The following AATK variants were observed in gnomAD, a reference collection of about 807,000 sequenced individuals.
AATK encodes serine/threonine-protein kinase LMTK1.
AATK carries 91 observed loss-of-function variants against 114.3 expected under a neutral mutation model. The ratio of observed to expected loss-of-function variants is 0.80; its 90% CI spans 0.67 to 0.95. The LOEUF is 0.95. Among genes scored for constraint, AATK ranks in the 40% least tolerant of loss-of-function variants. The pLI is 0.00. For missense variants in AATK, 2,176 were observed against 1,965.2 expected (o/e 1.11, Z -2.03); for synonymous variants, 1,075 against 916.5 (o/e 1.17, Z -3.12).
chr17:81,121,066 C>A lies in AATK; in HGVS notation c.2870G>T (p.Gly957Val). The A allele has an allele frequency of 6.2e-7, 1 of 1,607,630 alleles. No individual in the cohort carries two copies. Among genetic ancestry groups the A allele is most frequent in the Non-Finnish European group, 8.5e-7 (1 of 1,177,236 alleles). Residue 957 changes from glycine (G) to valine (V), a missense_variant, in exon 11 of 14, where the codon GGG (glycine) becomes GTG (valine). By Grantham distance (109) the Gly-to-Val change is moderately radical. Around this residue, in one of 4 missense-constraint regions of AATK, gnomAD observed 1,701 missense variants for 1,394.7 expected, o/e 1.22. Transcript: ENST00000326724. ...CTCCGCAAAGGCCTGGGGCTCACAC[C>A]CTTCCTGCGCCTCCTTGAGCACAAA... ...PEFVLKEAQE[G>V]CEPQAFAELA... is the part of the protein sequence containing the mutation.
In AATK at chr17:81,124,708, C is replaced by T. The variant is rs780174564; in HGVS notation, c.962+19G>A. 1.2e-6 allele frequency: 2 copies of T among 1,608,452 alleles called. No individual in the cohort carries two copies. The highest frequency in any genetic ancestry group is 1.7e-6 in the Non-Finnish European group (2 of 1,176,562). ...CACTCGGCCTCGGCCCCTCACGGTG[C>T]CACCAGGGCCGCACTCACCACACAT... is the stretch of plus-strand genomic sequence containing the variant. On this transcript the variant is annotated intron_variant, in intron 9 of 13. Transcript: ENST00000326724.
At chr17:81,124,627 G>C in intron 9 of AATK, 100 bp downstream of exon 9, 1 of 1,537,578 alleles carries the variant, frequency 6.5e-7, no homozygotes, top group Non-Finnish European at 8.8e-7. Flanking sequence ...AGGTGGCTCC[G>C]GCAGCCCCCT....
rs373279389 is a variant in AATK at position 81,121,543 on chromosome 17, G to A, written c.2393C>T (p.Ser798Phe). 1.2e-5 allele frequency: 18 copies of A among 1,533,534 alleles called. No individual in the cohort carries two copies. The highest frequency in any genetic ancestry group is 1.4e-5 in the Non-Finnish European group (16 of 1,138,930). The allele number at this position is 1,533,534 out of a possible 1,614,324, so 95.0% of individuals were successfully genotyped here. ...TCCCTCCTGGGATGGGGAGGGGACG[G>A]AAGGAAGGGGCAGGCGGGGTCCGGT... ...GTTGPRLPLP[S>F]VPSPSQEGAP... The change falls in exon 11 of 14, where the codon TCC (serine) becomes TTC (phenylalanine). Residue 798 changes from serine to phenylalanine, a missense_variant. By Grantham distance (155) the Ser-to-Phe change is radical. Around this residue, in one of 4 missense-constraint regions of AATK, gnomAD observed 1,701 missense variants for 1,394.7 expected, o/e 1.22. Coordinates refer to ENST00000326724, the MANE Select transcript of AATK (RefSeq NM_001080395.3).
Position 81,120,708 on chromosome 17 carries a change from C to A in AATK, c.3228G>T (p.Leu1076=). 6.5e-7 allele frequency: 1 copy of A among 1,538,280 alleles called. No individual in the cohort carries two copies. Among genetic ancestry groups the A allele is most frequent in the Non-Finnish European group, 8.8e-7 (1 of 1,141,394 alleles). ...CTTGGGGCTCCGGAGGCTCTGGGAC[C>A]AGGCCCGAGGGGCAGGTGCTGGGCT... The part of the protein sequence containing the change: ...SPEPSTCPSG[L]VPEPPEPQGP... The change falls in exon 11 of 14, where the codon CTG becomes CTT. Residue 1076 remains leucine (L), a synonymous_variant. Transcript: ENST00000326724.
At chr17:81,128,939 C>T in intron 3 of AATK, 5 of 1,095,164 alleles carry the variant, frequency 4.6e-6, no homozygotes, top group Non-Finnish European at 5.6e-6. Flanking sequence ...GCGGCCCACC[C>T]CCACCCTGCC....
At chr17:81,142,001 G>A (rs2061147149) in intron 1 of AATK, among the ~76,000 whole-genome samples, 1 of 148,658 alleles carries the variant, frequency 6.7e-6, no homozygotes, top group Admixed American at 6.7e-5. Context: ...TGTCACCCAG[G>A]CTAGAGTGCA....
chr17:81,140,314 C>T (rs1229366930), intron 1 of AATK, among the ~76,000 whole-genome samples: 3 of 152,202 alleles, frequency 2.0e-5, no homozygotes, highest in Non-Finnish European at 4.4e-5. Flanking sequence ...CATTTATTTA[C>T]GTCACACTTA....
chr17:81,152,764 T>C (rs187314045), intron 1 of AATK, among the ~76,000 whole-genome samples: 68 of 152,252 alleles, frequency 4.5e-4, no homozygotes, highest in Non-Finnish European at 8.5e-4. Context: ...GATTCTAATA[T>C]TTAGTATTAA....
intron 13 of AATK, among the ~76,000 whole-genome samples, chr17:81,118,686 A>T (rs2060608970): frequency 6.6e-6 from 1 of 152,258 alleles, no homozygotes; most frequent in African/African-American, 2.4e-5. Context: ...TGAGGCCTGA[A>T]CAGGAAGGGG....
At chr17:81,155,842 T>C (rs2061355068) in intron 1 of AATK, among the ~76,000 whole-genome samples, 1 of 151,950 alleles carries the variant, frequency 6.6e-6, no homozygotes, top group Admixed American at 6.6e-5. Context: ...TGTACCACCA[T>C]GCCTGGCTAA....
At chr17:81,140,947 G>GA (rs2061127243) in intron 1 of AATK, among the ~76,000 whole-genome samples, 3 of 142,638 alleles carry the variant, frequency 2.1e-5, no homozygotes, top group African/African-American at 8.4e-5. Flanking sequence ...GGGGCCGTGA[G>GA]CCGTGGGGAC....
chr17:81,122,644 G>T lies in AATK; in HGVS notation c.1292C>A (p.Ala431Glu). 2 of 1,458,380 alleles carry T rather than the reference G, an allele frequency of 1.4e-6. No homozygotes were observed. The highest frequency in any genetic ancestry group is 1.8e-4 in the Middle Eastern group (1 of 5,422). 90.3% of individuals were successfully genotyped at this position (1,458,380 alleles called of 1,614,324 possible). ...CACCACGCCGCCCAGCATGGGCCCCGCCGCACCGGGCCCGGGCCCCACGCC... is the reference window on the plus strand; with the variant it reads ...CACCACGCCGCCCAGCATGGGCCCCTCCGCACCGGGCCCGGGCCCCACGCC... ...GGGVGPGPGAAGPMLGGVVEL... is the reference protein window; with the variant it reads ...GGGVGPGPGAEGPMLGGVVEL... The change falls in exon 11 of 14, where the codon GCG (alanine) becomes GAG (glutamate). Residue 431 changes from alanine to glutamate, a missense_variant. By Grantham distance (107) the Ala-to-Glu change is moderately radical. This residue lies in a region of AATK where 1,701 missense variants were observed against 1,394.7 expected (regional missense o/e 1.22). Coordinates refer to ENST00000326724, the MANE Select transcript of AATK (RefSeq NM_001080395.3).
chr17:81,118,682 C>T (rs965881791), intron 13 of AATK, among the ~76,000 whole-genome samples: 5 of 152,258 alleles, frequency 3.3e-5, no homozygotes, highest in African/African-American at 9.6e-5. Context: ...AAACTGAGGC[C>T]TGAACAGGAA....
Position 81,121,710 on chromosome 17 carries a change from G to A in AATK, c.2226C>T (p.Cys742=). The change falls in exon 11 of 14, where the codon TGC becomes TGT. Residue 742 remains cysteine, a synonymous_variant. Coordinates refer to ENST00000326724, the MANE Select transcript of AATK (RefSeq NM_001080395.3). ...QAASAQEPGC[C]PGLPHLCSAQ... ...CAGAGCATAGATGAGGGAGGCCGGG[G>A]CAGCAGCCTGGCTCCTGGGCAGAGG... 5.4e-6 allele frequency: 8 copies of A among 1,493,152 alleles called. No individual in the cohort carries two copies. The highest frequency in any genetic ancestry group is 7.1e-6 in the Non-Finnish European group (8 of 1,125,768). 92.5% of individuals were successfully genotyped at this position (1,493,152 alleles called of 1,614,324 possible). A position where few individuals can be genotyped will look rare whatever the true frequency, so the allele number is the denominator to read the frequency against.
chr17:81,138,832 A>AT (rs1255489614), intron 1 of AATK, among the ~76,000 whole-genome samples: 1 of 151,326 alleles, frequency 6.6e-6, no homozygotes, highest in Non-Finnish European at 1.5e-5. Context: ...GTGAGCGCAC[A>AT]CACACCCCCA....
Position 81,128,545 on chromosome 17 carries a change from C to A in AATK, c.339G>T (p.Gln113His). The change falls in exon 4 of 14, where the codon CAG becomes CAT. Residue 113 changes from glutamine to histidine, a missense_variant. Physicochemically the swap from Gln to His is conservative, Grantham distance 24. Around this residue, in one of 4 missense-constraint regions of AATK, gnomAD observed 178 missense variants for 175.4 expected, o/e 1.01. Coordinates refer to ENST00000326724, the MANE Select transcript of AATK (RefSeq NM_001080395.3). ...PMAKQPGRSVQLLKSTDVGRH... is the reference protein window; with the variant it reads ...PMAKQPGRSVHLLKSTDVGRH... Reference sequence around the variant, plus strand: ...GGCCCACGTCTGTGGACTTGAGGAGCTGCACTGTAACCAAGCAGGGGGTTC... The same window carrying A: ...GGCCCACGTCTGTGGACTTGAGGAGATGCACTGTAACCAAGCAGGGGGTTC... 1 of 1,549,090 alleles carries A rather than the reference C, an allele frequency of 6.5e-7. No individual in the cohort carries two copies. Among genetic ancestry groups the A allele is most frequent in the East Asian group, 2.4e-5 (1 of 40,908 alleles).
At position 81,119,438 on chromosome 17, in the gene AATK, C is replaced by A; in HGVS notation, c.4026G>T (p.Ala1342=). Residue 1342 remains alanine, a synonymous_variant, in exon 13 of 14, where the codon GCG becomes GCT. Transcript: ENST00000326724. ...GCGTGATGGAGAAGCGGGACGTGGG[C>A]GCGGGCGACACCGTGAAGCGCGAGA... ...APFSRFTVSP[A]PTSRFSITHV... 6.6e-7 allele frequency: 1 copy of A among 1,518,730 alleles called. No homozygotes were observed. Among genetic ancestry groups the A allele is most frequent in the Non-Finnish European group, 8.8e-7 (1 of 1,140,052 alleles). The allele number at this position is 1,518,730 out of a possible 1,614,324, so 94.1% of individuals were successfully genotyped here. A position where few individuals can be genotyped will look rare whatever the true frequency, so the allele number is the denominator to read the frequency against.
In AATK at chr17:81,122,337, G is replaced by A; in HGVS notation, c.1599C>T (p.Arg533=). ...SPSLGSEYFI[R]LEEAAPAAGH... is the part of the protein sequence containing the mutation. ...CGGCGGCGGGTGCGGCCTCCTCTAG[G>A]CGGATGAAGTACTCGCTGCCCAGCG... The change falls in exon 11 of 14, where the codon CGC becomes CGT. Residue 533 remains arginine (R), a synonymous_variant. Transcript: ENST00000326724. 1 of 1,512,882 alleles carries A rather than the reference G, an allele frequency of 6.6e-7. No homozygotes were observed. The highest frequency in any genetic ancestry group is 8.8e-7 in the Non-Finnish European group (1 of 1,135,102). 93.7% of individuals were successfully genotyped at this position (1,512,882 alleles called of 1,614,324 possible).
At chr17:81,125,397 G>A (rs1329889461) in intron 7 of AATK, 1 of 531,590 alleles carries the variant, frequency 1.9e-6, no homozygotes, top group South Asian at 1.5e-5. Flanking sequence ...TCCCCAGGAG[G>A]TGGGAATTGA....
Sources: allele counts gnomAD v4.1 joint callset (sites outside exome capture counted in the v4.1 genomes callset), GRCh38; gene constraint gnomAD v4.1.1; regional missense constraint gnomAD v4.1.1; transcripts MANE v1.5; gene names NCBI Gene and HGNC (gene_info 2026-07-23, HGNC 2026-07-21).